CNOT1: variants seen among roughly 807,000 people sequenced by gnomAD.
CNOT1 encodes the protein CCR4-associated factor 1.
Under a neutral mutation model 273.8 loss-of-function variants are expected in CNOT1, and 15 were observed. The ratio of observed to expected loss-of-function variants is 0.05; its 90% CI spans 0.04 to 0.08. The LOEUF is 0.08. CNOT1 is among the 10% of genes least tolerant of loss of function. The pLI, the probability that CNOT1 is intolerant of heterozygous loss-of-function variation, is 1.00. For synonymous variants in CNOT1, 1,022 were observed against 1,005.5 expected, an observed-to-expected ratio of 1.02 and a Z score of -0.31; for missense variants, 1,644 against 2,912.2, an observed-to-expected ratio of 0.56 and a Z score of 10.02.
At chr16:58,562,864 T>C (rs992876453) in intron 16 of CNOT1, among the ~76,000 whole-genome samples, 1 of 152,122 alleles carries the variant, frequency 6.6e-6, no homozygotes, top group Admixed American at 6.6e-5. Flanking sequence ...ATGAACTTAG[T>C]CTTTAAATCT....
chr16:58,580,238 A>G (rs549570078), intron 12 of CNOT1, among the ~76,000 whole-genome samples: 1 of 152,092 alleles, frequency 6.6e-6, no homozygotes, highest in Non-Finnish European at 1.5e-5. Context: ...TCCCAAAAAT[A>G]TAAATAAGAA....
intron 16 of CNOT1, among the ~76,000 whole-genome samples, chr16:58,571,514 A>G (rs2041274043): frequency 6.6e-6 from 1 of 152,118 alleles, no homozygotes; most frequent in African/African-American, 2.4e-5. Flanking sequence ...GAGACAAGAC[A>G]GTGCCACCAC....
rs538189829 is a variant in CNOT1 at position 58,542,165 on chromosome 16, C to T, written c.4680+66G>A. 1.4e-5 allele frequency: 22 copies of T among 1,577,512 alleles called. No homozygotes were observed. In the South Asian group the frequency reaches 1.9e-4, roughly 14 times the overall value. ...GCTGTCCTAATTCCAGTAAGGAGTT[C>T]AATCAACAACAACATTAAAAATAAA... On this transcript the variant is annotated intron_variant, in intron 33 of 48. Coordinates refer to ENST00000317147, the MANE Select transcript of CNOT1 (RefSeq NM_016284.5).
chr16:58,549,715 T>C lies in CNOT1; in HGVS notation c.3522+4A>G. On this transcript the variant is annotated splice_donor_region_variant and intron_variant, in intron 25 of 48. Coordinates refer to ENST00000317147, the MANE Select transcript of CNOT1 (RefSeq NM_016284.5). ...TTAAAGGAAATATAAGAACCAACTCTTACTTTAATGTTTCTGTAGGTCTCA... is the reference window on the plus strand; with the variant it reads ...TTAAAGGAAATATAAGAACCAACTCCTACTTTAATGTTTCTGTAGGTCTCA... 2.5e-6 allele frequency: 4 copies of C among 1,591,682 alleles called. No individual in the cohort carries two copies. In the South Asian group the frequency reaches 3.5e-5, roughly 14 times the overall value.
At position 58,539,910 on chromosome 16, in the gene CNOT1, G is replaced by A; in HGVS notation, c.4850C>T (p.Thr1617Ile). The A allele has an allele frequency of 6.2e-7, 1 of 1,614,018 alleles. No homozygotes were observed. The highest frequency in any genetic ancestry group is 8.5e-7 in the Non-Finnish European group (1 of 1,179,986). The change falls in exon 35 of 49, where the codon ACA (threonine) becomes ATA (isoleucine). Residue 1617 changes from threonine to isoleucine, a missense_variant. Thr to Ile is a moderately conservative substitution (Grantham distance 89, BLOSUM62 -1). This residue lies in a region of CNOT1 where 170 missense variants were observed against 273.1 expected (regional missense o/e 0.62). Coordinates refer to ENST00000317147, the MANE Select transcript of CNOT1 (RefSeq NM_016284.5). ...DVAQIYDKCI[T>I]ELEQHLHAIP... ...GGCATGTAGATGTTGCTCCAGTTCT[G>A]TAATACACTTATCATAAATCTGAGC...
At chr16:58,606,385 TC>T (rs2042676618) in intron 1 of CNOT1, among the ~76,000 whole-genome samples, 7 of 66,786 alleles carry the variant, frequency 1.0e-4, no homozygotes, top group African/African-American at 4.0e-4. Context: ...TGAGACCCCG[TC>T]CCTTAAAAAA....
chr16:58,604,076 C>CACTGAAAT (rs1325474433), intron 1 of CNOT1, among the ~76,000 whole-genome samples: 6 of 152,024 alleles, frequency 3.9e-5, no homozygotes, highest in Non-Finnish European at 8.8e-5. Flanking sequence ...CACGAAAATC[C>CACTGAAAT]ACTGAAATAC....
chr16:58,564,349 TAA>T (rs930733062), intron 16 of CNOT1, among the ~76,000 whole-genome samples: 3 of 130,216 alleles, frequency 2.3e-5, no homozygotes, highest in African/African-American at 7.6e-5. Flanking sequence ...ACCACTAAAT[TAA>T]AAAGAAACTG....
At chr16:58,605,794 G>A (rs1326351483) in intron 1 of CNOT1, among the ~76,000 whole-genome samples, 1 of 152,082 alleles carries the variant, frequency 6.6e-6, no homozygotes, top group African/African-American at 2.4e-5. Context: ...GAGTAGCTAG[G>A]ACTACAAGCG....
rs878946363 is a variant in CNOT1, at chr16:58,520,506, T to G, written c.*452A>C. 2.4e-5 allele frequency: 4 copies of G among 169,382 alleles called. No homozygotes were observed. In the East Asian group the frequency reaches 4.7e-4, roughly 20 times the overall value. 10.5% of individuals were successfully genotyped at this position (169,382 alleles called of 1,614,324 possible). On this transcript the variant is annotated 3_prime_UTR_variant, in exon 49 of 49. Transcript: ENST00000317147. The stretch of plus-strand genomic sequence containing the variant: ...GATTTTCAAGGTCCCCTGTCCACAT[T>G]AAAAAAATAAGTTACATAATATTCA...
intron 1 of CNOT1, among the ~76,000 whole-genome samples, chr16:58,604,952 C>T (rs533703839): frequency 1.2e-3 from 180 of 150,648 alleles, no homozygotes; most frequent in African/African-American, 4.1e-3. Context: ...CTGCCTAACA[C>T]GGTGAAACCC....
chr16:58,529,371 G>A (rs973906592), intron 43 of CNOT1, among the ~76,000 whole-genome samples: 7 of 152,180 alleles, frequency 4.6e-5, no homozygotes, highest in African/African-American at 1.7e-4. Context: ...AAAAGGGCAA[G>A]CTGTGAGAGT....
intron 2 of CNOT1, chr16:58,598,958 G>A (rs2042366745): frequency 3.2e-6 from 1 of 308,260 alleles, no homozygotes; most frequent in South Asian, 3.4e-5. Context: ...GGCTGAGGCA[G>A]GAGAACTGCT....
Position 58,525,342 on chromosome 16 carries a change from C to G in CNOT1, c.6621G>C (p.Gly2207=), listed in dbSNP as rs776007510. The change falls in exon 46 of 49, where the codon GGG becomes GGC. Residue 2207 remains glycine, a synonymous_variant. Transcript: ENST00000317147. The part of the protein sequence containing the change: ...RSNLQVSNEP[G]NRYNLQLINA... Reference sequence around the variant, plus strand: ...TGATGAGCTGGAGGTTGTAGCGATTCCCAGGTTCATTGGATACCTTAAAAT... The same window carrying G: ...TGATGAGCTGGAGGTTGTAGCGATTGCCAGGTTCATTGGATACCTTAAAAT... 1.2e-6 allele frequency: 2 copies of G among 1,613,366 alleles called. No homozygotes were observed. Among genetic ancestry groups the G allele is most frequent in the Non-Finnish European group, 1.7e-6 (2 of 1,180,014 alleles).
At chr16:58,600,650 A>G (rs2042428049) in intron 1 of CNOT1, among the ~76,000 whole-genome samples, 2 of 152,262 alleles carry the variant, frequency 1.3e-5, no homozygotes, top group Admixed American at 1.3e-4. Flanking sequence ...CAGGTAAGGA[A>G]CTCCAGAAGC....
At chr16:58,546,214 C>A in intron 29 of CNOT1, 107 bp downstream of exon 29, 1 of 984,984 alleles carries the variant, frequency 1.0e-6, no homozygotes. Flanking sequence ...CAAAGTTTCA[C>A]CACTACATTA....
At chr16:58,555,162 T>C (rs1309029640) in intron 21 of CNOT1, 89 bp downstream of exon 21, 10 of 1,531,152 alleles carry the variant, frequency 6.5e-6, no homozygotes, top group Non-Finnish European at 7.9e-6. Flanking sequence ...GAGCCGAGAT[T>C]GCGCCACTGC....
At chr16:58,588,734 A>G in intron 3 of CNOT1, 65 bp downstream of exon 3, 2 of 1,568,744 alleles carry the variant, frequency 1.3e-6, no homozygotes, top group Non-Finnish European at 8.7e-7. Context: ...TGCTACATAC[A>G]CTATGCCCAA....
At chr16:58,612,204 T>C (rs2042926101) in intron 1 of CNOT1, among the ~76,000 whole-genome samples, 1 of 152,132 alleles carries the variant, frequency 6.6e-6, no homozygotes, top group African/African-American at 2.4e-5. Flanking sequence ...CCAGCTACCT[T>C]GCTCTAAATT....
Sources: gnomAD v4.1 joint callset for allele counts (sites outside exome capture counted in the v4.1 genomes callset) on GRCh38, gnomAD v4.1.1 for gene constraint, gnomAD v4.1.1 regional missense constraint, MANE v1.5 for transcripts, NCBI Gene and HGNC (gene_info 2026-07-23, HGNC 2026-07-21) for gene names.